The following DNAJA2 variants were observed in gnomAD, a reference collection of about 807,000 sequenced individuals.
DNAJA2 encodes dnaJ homolog subfamily A member 2.
In DNAJA2, 6 loss-of-function variants were observed where a neutral mutation model predicts 49.3. The ratio of observed to expected loss-of-function variants is 0.12; its 90% CI spans 0.07 to 0.24. The LOEUF is 0.24. Among genes scored for constraint, DNAJA2 ranks in the 10% least tolerant of loss-of-function variants. The pLI, the probability that DNAJA2 is intolerant of heterozygous loss-of-function variation, is 1.00. For missense variants in DNAJA2, 347 were observed against 516.8 expected (o/e 0.67, Z 3.19); for synonymous variants, 160 against 172.7 (o/e 0.93, Z 0.58).
Position 46,968,193 on chromosome 16 carries a change from AATTTTGCCAC to A in DNAJA2, c.363-39_363-30del, listed in dbSNP as rs777061631. The A allele has an allele frequency of 4.6e-4, 709 of 1,534,828 alleles. 1 individual carries two copies. Among genetic ancestry groups the A allele is most frequent in the Non-Finnish European group, 6.0e-4 (680 of 1,135,214 alleles). ...GAAAGAAAAGAATCGGCTTCAATCA[AATTTTGCCAC>A]ATTTTGTCAAATACAAGATATAAGT... On this transcript the variant is annotated intron_variant, in intron 3 of 8. Coordinates refer to ENST00000317089, the MANE Select transcript of DNAJA2 (RefSeq NM_005880.4).
At chr16:46,959,450 T>C (rs1170018834) in intron 6 of DNAJA2, 31 bp from the exon 7 acceptor site, 4 of 1,588,456 alleles carry the variant, frequency 2.5e-6, no homozygotes, top group Non-Finnish European at 3.4e-6. Flanking sequence ...AAATACATTT[T>C]CTTAAAAATT....
chr16:46,957,567 C>CA, intron 8 of DNAJA2, among the ~76,000 whole-genome samples: 1 of 151,250 alleles, frequency 6.6e-6, no homozygotes, highest in Non-Finnish European at 1.5e-5. Context: ...TGTGCCACTG[C>CA]ACTCCAGCCT....
At chr16:46,964,528 CA>C in intron 6 of DNAJA2, 82 bp downstream of exon 6, 3 of 1,383,266 alleles carry the variant, frequency 2.2e-6, no homozygotes, top group Non-Finnish European at 2.9e-6. Flanking sequence ...CCAGGGACTC[CA>C]AACAGATCTA....
intron 6 of DNAJA2, among the ~76,000 whole-genome samples, chr16:46,960,974 T>C (rs1281423601): frequency 6.6e-6 from 1 of 152,060 alleles, no homozygotes; most frequent in East Asian, 1.9e-4. Context: ...GCCACTGCAC[T>C]CCAGCCTGGG....
intron 6 of DNAJA2, among the ~76,000 whole-genome samples, chr16:46,964,068 TCA>T: frequency 6.6e-6 from 1 of 151,808 alleles, no homozygotes; most frequent in South Asian, 2.1e-4. Context: ...CAAGACTCCG[TCA>T]CACACACACA....
chr16:46,963,110 G>A (rs541682135), intron 6 of DNAJA2, among the ~76,000 whole-genome samples: 17 of 152,114 alleles, frequency 1.1e-4, no homozygotes, highest in African/African-American at 1.7e-4. Context: ...CCATTTCTCC[G>A]TGTTCATTGG....
intron 5 of DNAJA2, among the ~76,000 whole-genome samples, chr16:46,966,625 C>A (rs1961975171): frequency 6.6e-6 from 1 of 152,132 alleles, no homozygotes; most frequent in African/African-American, 2.4e-5. Flanking sequence ...CAGAACACAG[C>A]CATATCCATG....
chr16:46,962,496 T>C (rs1428474670), intron 6 of DNAJA2, among the ~76,000 whole-genome samples: 1 of 152,192 alleles, frequency 6.6e-6, no homozygotes, highest in African/African-American at 2.4e-5. Flanking sequence ...ATTCTATCAA[T>C]GAAAATGCCC....
intron 3 of DNAJA2, among the ~76,000 whole-genome samples, chr16:46,971,136 T>C: frequency 6.6e-6 from 1 of 152,074 alleles, no homozygotes; most frequent in East Asian, 1.9e-4. Flanking sequence ...CACCTTCCTC[T>C]CATTAAAAAA....
chr16:46,965,234 T>C (rs1423055158), intron 5 of DNAJA2, among the ~76,000 whole-genome samples: 1 of 152,082 alleles, frequency 6.6e-6, no homozygotes, highest in Non-Finnish European at 1.5e-5. Context: ...AAAAGCACTA[T>C]TCTGAATAAC....
chr16:46,969,055 A>T (rs1962011799), intron 3 of DNAJA2, among the ~76,000 whole-genome samples: 1 of 152,090 alleles, frequency 6.6e-6, no homozygotes, highest in African/African-American at 2.4e-5. Context: ...TTATGTGTGG[A>T]GTTTTCTACT....
rs1180025359 is a variant in DNAJA2, at chr16:46,973,534, C to T, written c.39G>A (p.Leu13=). 6.2e-7 allele frequency: 1 copy of T among 1,603,064 alleles called. No homozygotes were observed. The highest frequency in any genetic ancestry group is 8.5e-7 in the Non-Finnish European group (1 of 1,177,830). Residue 13 remains leucine (L), a synonymous_variant, in exon 1 of 9, where the codon CTG becomes CTA. Coordinates refer to ENST00000317089, the MANE Select transcript of DNAJA2 (RefSeq NM_005880.4). Reference sequence around the variant, plus strand: ...TCTCGCTGGCGCCGGGCGGGACGCCCAGGATGTCGTACAGCTTCGTGTCAG... The same window carrying T: ...TCTCGCTGGCGCCGGGCGGGACGCCTAGGATGTCGTACAGCTTCGTGTCAG... ...NVADTKLYDI[L]GVPPGASENE...
Position 46,955,468 on chromosome 16 carries a change from A to G in DNAJA2, c.*1561T>C, listed in dbSNP as rs1053401974. ...AAGTAACCTTGGATACAAAACTACT[A>G]TGCTGTTGAATCTTACCCAGGCTTG... On this transcript the variant is annotated 3_prime_UTR_variant, in exon 9 of 9. Coordinates refer to ENST00000317089, the MANE Select transcript of DNAJA2 (RefSeq NM_005880.4). 5 of 152,238 alleles carry G rather than the reference A, an allele frequency of 3.3e-5. No individual in the cohort carries two copies. The highest frequency in any genetic ancestry group is 6.5e-5 in the Admixed American group (1 of 15,280). 9.4% of individuals were successfully genotyped at this position (152,238 alleles called of 1,614,324 possible). A position where few individuals can be genotyped will look rare whatever the true frequency, so the allele number is the denominator to read the frequency against.
Position 46,955,522 on chromosome 16 carries a change from T to C in DNAJA2, c.*1507A>G, listed in dbSNP as rs1961796471. On this transcript the variant is annotated 3_prime_UTR_variant, in exon 9 of 9. Coordinates refer to ENST00000317089, the MANE Select transcript of DNAJA2 (RefSeq NM_005880.4). ...TAAAATATTTTTTGTACAATGGAGG[T>C]AGAGTGGATAGGTCAATAATTTAAA... The C allele has an allele frequency of 6.6e-6, 1 of 152,234 alleles. No individual in the cohort carries two copies. Among genetic ancestry groups the C allele is most frequent in the African/African-American group, 2.4e-5 (1 of 41,468 alleles). The allele number at this position is 152,234 out of a possible 1,614,324, so 9.4% of individuals were successfully genotyped here.
In DNAJA2 at chr16:46,967,543, G is replaced by C; in HGVS notation, c.547C>G (p.Gln183Glu). Residue 183 changes from glutamine to glutamate, a missense_variant, in exon 5 of 9, where the codon CAG (glutamine) becomes GAG (glutamate). Physicochemically the swap from Gln to Glu is conservative, Grantham distance 29. Coordinates refer to ENST00000317089, the MANE Select transcript of DNAJA2 (RefSeq NM_005880.4). ...QLAPGMVQQM[Q>E]SVCSDCNGEG... Reference sequence around the variant, plus strand: ...CCATTACAATCAGAGCACACAGACTGCATCTGTTGTACCATCCCTGGAGCC... The same window carrying C: ...CCATTACAATCAGAGCACACAGACTCCATCTGTTGTACCATCCCTGGAGCC... 1 of 1,614,154 alleles carries C rather than the reference G, an allele frequency of 6.2e-7. No individual in the cohort carries two copies. Among genetic ancestry groups the C allele is most frequent in the Non-Finnish European group, 8.5e-7 (1 of 1,180,016 alleles).
chr16:46,956,293 G>A lies in DNAJA2; in HGVS notation c.*736C>T, dbSNP rs983671333. The A allele has an allele frequency of 3.3e-5, 5 of 152,106 alleles. No homozygotes were observed. The highest frequency in any genetic ancestry group is 1.3e-4 in the Admixed American group (2 of 15,260). The allele number at this position is 152,106 out of a possible 1,614,324, so 9.4% of individuals were successfully genotyped here. On this transcript the variant is annotated 3_prime_UTR_variant, in exon 9 of 9. Coordinates refer to ENST00000317089, the MANE Select transcript of DNAJA2 (RefSeq NM_005880.4). The stretch of plus-strand genomic sequence containing the variant: ...GCATAGGCCTGAGATATAAGCTTCA[G>A]GCCAATGGGTTTTTATGGGCTGTTT...
rs573843250 is a variant in DNAJA2, at chr16:46,961,305, G to A, written c.775-1886C>T. Among the ~76,000 whole-genome samples, 9 of 150,940 alleles carry A rather than the reference G, an allele frequency of 6.0e-5. No homozygotes were observed. The East Asian group carries it at 1.0e-3, about 17-fold the overall frequency. ...TGAGGCAGGAGAATCACTTGAACCC[G>A]GGAGGTGGAGGTTGCAGTGAACAGA... On this transcript the variant is annotated intron_variant, in intron 6 of 8. Coordinates refer to ENST00000317089, the MANE Select transcript of DNAJA2 (RefSeq NM_005880.4).
intron 4 of DNAJA2, 113 bp downstream of exon 4, chr16:46,967,971 C>G (rs1395389349): frequency 6.7e-6 from 7 of 1,041,668 alleles, no homozygotes; most frequent in Middle Eastern, 2.1e-4. Context: ...GTGTGAGCCA[C>G]CGCACCCAGC....
chr16:46,958,825 G>C, intron 8 of DNAJA2, 178 bp downstream of exon 8: 1 of 642,598 alleles, frequency 1.6e-6, no homozygotes, highest in South Asian at 2.7e-5. Context: ...CACACCTGTA[G>C]TCCCAGCTCC....
Sources: allele counts gnomAD v4.1 joint callset (sites outside exome capture counted in the v4.1 genomes callset), GRCh38; gene constraint gnomAD v4.1.1; transcripts MANE v1.5; gene names NCBI Gene and HGNC (gene_info 2026-07-23, HGNC 2026-07-21).